GJA8: variants seen among roughly 807,000 people sequenced by gnomAD.
GJA8 encodes gap junction protein alpha 8.
A neutral mutation model predicts 15.3 loss-of-function variants in GJA8; 13 were observed. The ratio of observed to expected loss-of-function variants is 0.85; its 90% CI spans 0.55 to 1.35. The LOEUF (loss-of-function observed/expected upper bound fraction) is 1.35, where lower values mean the gene tolerates loss of function less well. Among genes scored for constraint, GJA8 ranks in the 40% most tolerant of loss-of-function variants. The pLI, the probability that GJA8 is intolerant of heterozygous loss-of-function variation, is 0.00. For missense variants in GJA8, 607 were observed against 553.3 expected (o/e 1.10, Z -0.97); for synonymous variants, 304 against 238.7 (o/e 1.27, Z -2.52).
intron 1 of GJA8, among the ~76,000 whole-genome samples, chr1:147,907,074 A>T (rs1651828082): frequency 6.6e-6 from 1 of 151,506 alleles, no homozygotes; most frequent in Non-Finnish European, 1.5e-5. Context: ...TTTTGTAGAG[A>T]TGGGGTCTCA....
downstream of GJA8, among the ~76,000 whole-genome samples, chr1:147,909,536 T>A (rs894043663): frequency 3.9e-5 from 6 of 152,192 alleles, no homozygotes; most frequent in Non-Finnish European, 8.8e-5. Flanking sequence ...GGGTGACTCT[T>A]CTTTCATCCC....
At chr1:147,911,212 C>T (rs782009382), downstream of GJA8, among the ~76,000 whole-genome samples, 97 of 152,278 alleles carry the variant, frequency 6.4e-4, no homozygotes, top group Admixed American at 1.2e-3. Flanking sequence ...TTCCCAACCC[C>T]GATCAGCATC....
chr1:147,905,690 T>C (rs1553242206), intron 1 of GJA8, among the ~76,000 whole-genome samples: 1 of 152,178 alleles, frequency 6.6e-6, no homozygotes, highest in Non-Finnish European at 1.5e-5. Flanking sequence ...CAAAAGGCAA[T>C]GGGAATGGCT....
rs782313023 is a variant in GJA8, at chr1:147,908,381, G to A, written c.426G>A (p.Arg142=). The A allele has an allele frequency of 7.4e-6, 12 of 1,614,082 alleles. No homozygotes were observed. The Admixed American group carries it at 1.3e-4, about 18-fold the overall frequency. Reference sequence around the variant, plus strand: ...GCAGCAAAGGCACTAAGAAGTTCCGGCTGGAGGGGACCCTGCTGAGGACCT... The same window carrying A: ...GCAGCAAAGGCACTAAGAAGTTCCGACTGGAGGGGACCCTGCTGAGGACCT... ...SSGSKGTKKF[R]LEGTLLRTYI... Residue 142 remains arginine, a synonymous_variant, in exon 2 of 2, where the codon CGG becomes CGA. Coordinates refer to ENST00000369235, the MANE Select transcript of GJA8 (RefSeq NM_005267.5).
At chr1:147,909,868 T>C (rs1652034210), downstream of GJA8, among the ~76,000 whole-genome samples, 1 of 152,034 alleles carries the variant, frequency 6.6e-6, no homozygotes, top group African/African-American at 2.4e-5. Context: ...AAGCCAGAAA[T>C]CCAACCTTTT....
chr1:147,902,811 G>A lies in GJA8; in HGVS notation c.-62G>A, dbSNP rs1421088439. On this transcript the variant is annotated 5_prime_UTR_variant, in exon 1 of 2. Transcript: ENST00000369235. ...ACGAAAGTTGCCATTTTGCTGCTGAGCGCCAAGAGAGAAAGAGCACATATT... is the reference window on the plus strand; with the variant it reads ...ACGAAAGTTGCCATTTTGCTGCTGAACGCCAAGAGAGAAAGAGCACATATT... Among the ~76,000 whole-genome samples the A allele has an allele frequency of 6.6e-6, 1 of 152,204 alleles. No homozygotes were observed. Among genetic ancestry groups the A allele is most frequent in the Non-Finnish European group, 1.5e-5 (1 of 68,040 alleles).
At chr1:147,911,979 C>T (rs1553243539), downstream of GJA8, among the ~76,000 whole-genome samples, 1 of 151,876 alleles carries the variant, frequency 6.6e-6, no homozygotes, top group East Asian at 1.9e-4. Context: ...CACATTTTCC[C>T]TCTTAGTCTT....
intron 1 of GJA8, among the ~76,000 whole-genome samples, chr1:147,904,431 G>A (rs1332814097): frequency 6.6e-6 from 1 of 152,114 alleles, no homozygotes; most frequent in Non-Finnish European, 1.5e-5. Context: ...CAAACATAAG[G>A]TGTTATTTTA....
At chr1:147,909,582 G>A (rs1553243181), downstream of GJA8, among the ~76,000 whole-genome samples, 1 of 152,164 alleles carries the variant, frequency 6.6e-6, no homozygotes, top group Non-Finnish European at 1.5e-5. Context: ...CGGAATTGGG[G>A]TTGCCTCATA....
In GJA8 at chr1:147,908,519, C is replaced by A; in HGVS notation, c.564C>A (p.Cys188Ter). 4 of 1,614,150 alleles carry A rather than the reference C, an allele frequency of 2.5e-6. No individual in the cohort carries two copies. The highest frequency in any genetic ancestry group is 3.4e-6 in the Non-Finnish European group (4 of 1,180,012). Reference protein sequence around the residue: ...LPLYRCSRWPCPNVVDCFVSR... With the variant: ...LPLYRCSRWP ...TGTACCGCTGCAGCCGGTGGCCCTG[C>A]CCCAATGTGGTGGACTGCTTCGTGT... The change falls in exon 2 of 2, where the codon TGC (cysteine) becomes TGA (stop). Residue 188 changes from cysteine to a stop codon, truncating the protein, a stop_gained. Transcript: ENST00000369235. LOFTEE classifies it high-confidence loss of function.
In GJA8 at chr1:147,908,255, C is replaced by T. The variant is rs886045254; in HGVS notation, c.300C>T (p.Val100=). Residue 100 remains valine, a synonymous_variant, in exon 2 of 2, where the codon GTC becomes GTT. Transcript: ENST00000369235. ...LMYVGHAVHY[V]RMEEKRKSRE... ...ACGTGGGGCACGCGGTGCACTACGT[C>T]CGCATGGAGGAGAAGCGCAAAAGCC... 1.9e-6 allele frequency: 3 copies of T among 1,614,088 alleles called. No individual in the cohort carries two copies. The highest frequency in any genetic ancestry group is 1.1e-5 in the South Asian group (1 of 91,090).
chr1:147,906,788 C>T lies in GJA8; in HGVS notation c.-11-1157C>T, dbSNP rs1213939757. Among the ~76,000 whole-genome samples the T allele has an allele frequency of 2.0e-5, 3 of 152,112 alleles. No homozygotes were observed. In the East Asian group the frequency reaches 5.8e-4, roughly 29 times the overall value. On this transcript the variant is annotated intron_variant, in intron 1 of 1. Transcript: ENST00000369235. ...ATCTCAATGGTGTAGTGGGAAGAAC[C>T]CAGCCTTTGTGATCAAGCAAACAGA...
intron 1 of GJA8, among the ~76,000 whole-genome samples, chr1:147,903,848 T>A (rs1553241921): frequency 2.6e-5 from 4 of 152,176 alleles, no homozygotes. Flanking sequence ...TGAAGTTATG[T>A]CCTCTCCAGT....
At chr1:147,912,926 AAAG>A (rs1467136168), downstream of GJA8, among the ~76,000 whole-genome samples, 1 of 151,730 alleles carries the variant, frequency 6.6e-6, no homozygotes, top group African/African-American at 2.4e-5. Context: ...GAAAGAAAAG[AAAG>A]AAAAAAGCCT....
At chr1:147,905,393 G>C (rs1651751533) in intron 1 of GJA8, among the ~76,000 whole-genome samples, 2 of 152,196 alleles carry the variant, frequency 1.3e-5, no homozygotes. Context: ...GAGAGCATGT[G>C]CTCATCACAC....
downstream of GJA8, among the ~76,000 whole-genome samples, chr1:147,910,664 T>C (rs1008025325): frequency 4.6e-5 from 7 of 152,298 alleles, no homozygotes; most frequent in Non-Finnish European, 8.8e-5. Context: ...CTAAAATCTA[T>C]ACCTTTTTTC....
chr1:147,909,270 GAA>G (rs34123490), downstream of GJA8: 2,381 of 1,091,792 alleles, frequency 2.2e-3, 3 homozygotes, highest in African/African-American at 8.8e-3. Context: ...TGACGCCAAA[GAA>G]AAAAAAAAAA....
Position 147,908,413 on chromosome 1 carries a change from G to A in GJA8, c.458G>A (p.Cys153Tyr). The A allele has an allele frequency of 6.2e-7, 1 of 1,614,166 alleles. No individual in the cohort carries two copies. The highest frequency in any genetic ancestry group is 8.5e-7 in the Non-Finnish European group (1 of 1,180,018). ...LEGTLLRTYI[C>Y]HIIFKTLFEV... is the part of the protein sequence containing the mutation. ...GGGACCCTGCTGAGGACCTACATCT[G>A]CCACATCATCTTCAAGACCCTCTTT... The change falls in exon 2 of 2, where the codon TGC becomes TAC. Residue 153 changes from cysteine (C) to tyrosine (Y), a missense_variant. Cys to Tyr is a radical substitution (Grantham distance 194). Coordinates refer to ENST00000369235, the MANE Select transcript of GJA8 (RefSeq NM_005267.5).
intron 1 of GJA8, among the ~76,000 whole-genome samples, chr1:147,907,089 G>A (rs1314053616): frequency 6.6e-6 from 1 of 151,974 alleles, no homozygotes; most frequent in African/African-American, 2.4e-5. Context: ...GTCTCACTGT[G>A]TTGCCCAGGC....
Sources: gnomAD v4.1 joint callset for allele counts (sites outside exome capture counted in the v4.1 genomes callset) on GRCh38, gnomAD v4.1.1 for gene constraint, MANE v1.5 for transcripts, NCBI Gene and HGNC (gene_info 2026-07-23, HGNC 2026-07-21) for gene names.